PDZD2: variants seen among roughly 807,000 people sequenced by gnomAD.
PDZD2 encodes the protein PDZ domain containing 2.
In PDZD2, 90 loss-of-function variants were observed where a neutral mutation model predicts 220.7. The observed-to-expected ratio is 0.41, with a 90% CI of 0.34 to 0.49. The LOEUF (loss-of-function observed/expected upper bound fraction) is 0.49, where lower values mean the gene tolerates loss of function less well. PDZD2 is among the 20% of genes least tolerant of loss of function. The pLI is 0.28. For missense variants in PDZD2, 3,174 were observed against 3,608.5 expected (o/e 0.88, Z 3.08); for synonymous variants, 1,375 against 1,450.5 (o/e 0.95, Z 1.18).
chr5:31,873,660 C>A (rs549543032), intron 2 of PDZD2, among the ~76,000 whole-genome samples: 43 of 151,694 alleles, frequency 2.8e-4, no homozygotes, highest in Non-Finnish European at 5.4e-4. Flanking sequence ...CCTTGGCCTC[C>A]CAAAGTGCTG....
chr5:31,988,447 G>GA (rs914509730), intron 3 of PDZD2, among the ~76,000 whole-genome samples: 1 of 147,508 alleles, frequency 6.8e-6, no homozygotes, highest in Non-Finnish European at 1.5e-5. Flanking sequence ...GGGGTGGGGG[G>GA]GGTGCATCAC....
intron 2 of PDZD2, among the ~76,000 whole-genome samples, chr5:31,844,346 T>C (rs1757479447): frequency 6.6e-6 from 1 of 152,248 alleles, no homozygotes; most frequent in African/African-American, 2.4e-5. Context: ...ATAAAGAAAA[T>C]GATTAGAAAC....
chr5:31,886,698 GTC>G (rs201628994), intron 2 of PDZD2, among the ~76,000 whole-genome samples: 8 of 118,014 alleles, frequency 6.8e-5, no homozygotes, highest in Admixed American at 3.4e-4. Flanking sequence ...ACTTGTCTCT[GTC>G]TCTTTTTTTT....
chr5:31,853,964 G>A (rs1280136271), intron 2 of PDZD2, among the ~76,000 whole-genome samples: 1 of 152,140 alleles, frequency 6.6e-6, no homozygotes, highest in Non-Finnish European at 1.5e-5. Flanking sequence ...TTTGAAGCCA[G>A]GTGAAATGTG....
intron 2 of PDZD2, chr5:31,820,524 C>T (rs1485817603): frequency 6.6e-6 from 1 of 152,090 alleles, no homozygotes; most frequent in Non-Finnish European, 1.5e-5. Flanking sequence ...AGTGTTAACA[C>T]GGCATTTATT....
At chr5:31,932,464 G>A (rs998501255) in intron 2 of PDZD2, among the ~76,000 whole-genome samples, 2 of 152,030 alleles carry the variant, frequency 1.3e-5, no homozygotes, top group Non-Finnish European at 1.5e-5. Flanking sequence ...CAGGAGAATC[G>A]CTGGAACCCA....
At chr5:31,780,141 T>C (rs1370695665) in intron 1 of PDZD2, among the ~76,000 whole-genome samples, 2 of 152,150 alleles carry the variant, frequency 1.3e-5, no homozygotes, top group Non-Finnish European at 2.9e-5. Context: ...GAAGCAGCAT[T>C]GGTAGAAAGT....
intron 2 of PDZD2, among the ~76,000 whole-genome samples, chr5:31,957,661 C>T (rs1450057614): frequency 6.6e-6 from 1 of 152,102 alleles, no homozygotes; most frequent in Non-Finnish European, 1.5e-5. Flanking sequence ...AGCTTGGTAT[C>T]ATAACATCTT....
At position 32,090,584 on chromosome 5, in the gene PDZD2, C is replaced by G; in HGVS notation, c.7136C>G (p.Ser2379Cys). 1 of 1,614,004 alleles carries G rather than the reference C, an allele frequency of 6.2e-7. No homozygotes were observed. Among genetic ancestry groups the G allele is most frequent in the Non-Finnish European group, 8.5e-7 (1 of 1,179,976 alleles). The change falls in exon 20 of 25, where the codon TCC (serine) becomes TGC (cysteine). Residue 2379 changes from serine (S) to cysteine (C), a missense_variant. Transcript: ENST00000438447. This position sits in a 1 kb window ranked among gnomAD's most constrained non-coding sequence, Gnocchi z 4.3. Reference protein sequence around the residue: ...IGRRSSGSIVSGSLGHPGDAA... With the variant: ...IGRRSSGSIVCGSLGHPGDAA... ...AGGCGGTCTTCCGGCAGCATTGTTT[C>G]CGGGAGCCTGGGCCACCCAGGTGAC...
Position 32,108,232 on chromosome 5 carries a change from C to T in PDZD2, c.*97C>T. 1 of 696,102 alleles carries T rather than the reference C, an allele frequency of 1.4e-6. No individual in the cohort carries two copies. Among genetic ancestry groups the T allele is most frequent in the Admixed American group, 3.1e-5 (1 of 32,728 alleles). 43.1% of individuals were successfully genotyped at this position (696,102 alleles called of 1,614,324 possible). A position where few individuals can be genotyped will look rare whatever the true frequency, so the allele number is the denominator to read the frequency against. ...GTTGTTGAAATGGCCAACACTGGTA[C>T]AGACACGGACTATAAAAATCTCCAA... is the stretch of plus-strand genomic sequence containing the variant. On this transcript the variant is annotated 3_prime_UTR_variant, in exon 25 of 25. Transcript: ENST00000438447.
At chr5:31,824,171 A>G (rs757191488) in intron 2 of PDZD2, among the ~76,000 whole-genome samples, 1 of 152,190 alleles carries the variant, frequency 6.6e-6, no homozygotes, top group African/African-American at 2.4e-5. Context: ...CCAGGATAGC[A>G]TATTTTAACT....
rs533779963 is a variant in PDZD2, at chr5:32,069,225, C to T, written c.2452-344C>T. ...AGGTTGCAGCGAGCCAAGATCAAGA[C>T]GCTGCACTCCAGCTTGGGTAACAGA... On this transcript the variant is annotated intron_variant, in intron 14 of 24. Transcript: ENST00000438447. 2.1e-4 allele frequency among the ~76,000 whole-genome samples: 30 copies of T among 145,258 alleles called. No homozygotes were observed. The South Asian group carries it at 5.0e-3, about 24-fold the overall frequency.
chr5:31,989,595 T>C (rs1333174302), intron 3 of PDZD2, among the ~76,000 whole-genome samples: 1 of 152,004 alleles, frequency 6.6e-6, no homozygotes, highest in Non-Finnish European at 1.5e-5. Context: ...GCTAATTTTT[T>C]GTATTTTTAG....
chr5:32,057,940 A>C lies in PDZD2; in HGVS notation c.2037A>C (p.Thr679=). ...VRTKLVSPSL[T]PCSTPTHMSR... is the part of the protein sequence containing the mutation. ...CAAAGTTGGTGAGCCCCAGCCTCAC[A>C]CCCTGCTCGACACCCACACACATGA... Residue 679 remains threonine, a synonymous_variant, in exon 12 of 25, where the codon ACA becomes ACC. Transcript: ENST00000438447. 1 of 1,613,884 alleles carries C rather than the reference A, an allele frequency of 6.2e-7. No homozygotes were observed. Among genetic ancestry groups the C allele is most frequent in the Non-Finnish European group, 8.5e-7 (1 of 1,179,918 alleles).
intron 3 of PDZD2, among the ~76,000 whole-genome samples, chr5:31,984,570 G>T (rs1044933625): frequency 3.3e-5 from 5 of 151,984 alleles, no homozygotes; most frequent in African/African-American, 1.2e-4. Context: ...GGCCAGGCGC[G>T]GCAGCTTGTG....
At chr5:31,738,956 G>A (rs1034945640) in intron 1 of PDZD2, among the ~76,000 whole-genome samples, 8 of 151,292 alleles carry the variant, frequency 5.3e-5, no homozygotes, top group South Asian at 2.1e-4. Context: ...CACCATCTCC[G>A]CTCACTGCAA....
At position 32,109,201 on chromosome 5, in the gene PDZD2, C is replaced by CTGGT. The variant is rs1288278128; in HGVS notation, c.*1072_*1075dup. 14 of 152,092 alleles carry CTGGT rather than the reference C, an allele frequency of 9.2e-5. No homozygotes were observed. The highest frequency in any genetic ancestry group is 3.4e-4 in the African/African-American group (14 of 41,330). The allele number at this position is 152,092 out of a possible 1,614,324, so 9.4% of individuals were successfully genotyped here. On this transcript the variant is annotated 3_prime_UTR_variant, in exon 25 of 25. Transcript: ENST00000438447. Reference sequence around the variant, plus strand: ...AGCTTAATGGAATCCTTTTAGGAGACTGGTTGGTTTTTTTCCCTCTTTCCC... The same window carrying CTGGT: ...AGCTTAATGGAATCCTTTTAGGAGACTGGTTGGTTGGTTTTTTTCCCTCTTTCCC...
At chr5:31,696,554 T>A (rs1370498793) in intron 1 of PDZD2, among the ~76,000 whole-genome samples, 1 of 152,148 alleles carries the variant, frequency 6.6e-6, no homozygotes, top group African/African-American at 2.4e-5. Flanking sequence ...CTACAAGTCT[T>A]GGCCTCCCAA....
intron 1 of PDZD2, among the ~76,000 whole-genome samples, chr5:31,784,396 T>C (rs986969916): frequency 1.3e-5 from 2 of 152,150 alleles, no homozygotes; most frequent in Admixed American, 6.5e-5. Flanking sequence ...AGTCTCCAAG[T>C]TTCCAAGGTA....
Sources: allele counts gnomAD v4.1 joint callset (sites outside exome capture counted in the v4.1 genomes callset), GRCh38; gene constraint gnomAD v4.1.1; non-coding constraint Gnocchi (gnomAD v3.1); transcripts MANE v1.5; gene names NCBI Gene and HGNC (gene_info 2026-07-23, HGNC 2026-07-21).